The following SLC30A9 variants were observed in gnomAD, a reference collection of about 807,000 sequenced individuals.
The protein encoded by SLC30A9 is proton-coupled zinc antiporter SLC30A9, mitochondrial.
In SLC30A9, 58 loss-of-function variants were observed where a neutral mutation model predicts 87.5. The observed-to-expected ratio is 0.66, with a 90% CI of 0.54 to 0.82. The LOEUF is 0.82. SLC30A9 is among the 40% of genes least tolerant of loss of function. The pLI is 0.00. For missense variants in SLC30A9, 557 were observed against 679.1 expected (o/e 0.82, Z 2.00); for synonymous variants, 234 against 233.0 (o/e 1.00, Z -0.04).
intron 3 of SLC30A9, among the ~76,000 whole-genome samples, chr4:42,019,916 C>T (rs1342125473): frequency 1.3e-5 from 2 of 152,078 alleles, no homozygotes; most frequent in Admixed American, 6.6e-5. Flanking sequence ...GCCTCAGCCT[C>T]CTGAGAAGCT....
chr4:42,023,455 C>G, intron 6 of SLC30A9, 71 bp downstream of exon 6: 1 of 961,878 alleles, frequency 1.0e-6, no homozygotes, highest in Non-Finnish European at 1.7e-6. Context: ...TCTGTAAGAA[C>G]TCTCTAGTGC....
At position 42,079,510 on chromosome 4, in the gene SLC30A9, T is replaced by A. The variant is rs935222499; in HGVS notation, c.1662+1185T>A. On this transcript the variant is annotated intron_variant, in intron 17 of 17. Transcript: ENST00000264451. ...GGTTTCACCATGTTGGCCAGGCTGG[T>A]CTCGAACTCCTGACCTCAAGTGATC... Among the ~76,000 whole-genome samples the A allele has an allele frequency of 2.0e-5, 3 of 152,030 alleles. No homozygotes were observed. In the East Asian group the frequency reaches 5.8e-4, roughly 29 times the overall value.
intron 2 of SLC30A9, among the ~76,000 whole-genome samples, chr4:42,003,831 C>T (rs1302460177): frequency 2.0e-5 from 3 of 152,042 alleles, no homozygotes; most frequent in Non-Finnish European, 4.4e-5. Context: ...AAGTTTTAGA[C>T]TCTGTGTCTG....
At chr4:42,016,036 T>C (rs145405577) in intron 2 of SLC30A9, among the ~76,000 whole-genome samples, 1 of 152,144 alleles carries the variant, frequency 6.6e-6, no homozygotes, top group Non-Finnish European at 1.5e-5. Context: ...CCCAGTTTCC[T>C]CATAACAAGG....
At chr4:42,069,609 G>C (rs1338754039) in intron 14 of SLC30A9, among the ~76,000 whole-genome samples, 3 of 152,144 alleles carry the variant, frequency 2.0e-5, no homozygotes, top group Non-Finnish European at 4.4e-5. Context: ...ATTAAGAAGA[G>C]TTAAATATAT....
intron 1 of SLC30A9, among the ~76,000 whole-genome samples, chr4:41,995,920 G>A (rs1714678878): frequency 6.6e-6 from 1 of 152,128 alleles, no homozygotes; most frequent in Admixed American, 6.6e-5. Flanking sequence ...ATGTTATCCA[G>A]GCTGGTCTCA....
At chr4:42,039,382 C>T (rs1716821048) in intron 8 of SLC30A9, among the ~76,000 whole-genome samples, 1 of 151,898 alleles carries the variant, frequency 6.6e-6, no homozygotes, top group South Asian at 2.1e-4. Flanking sequence ...GTTACAGCTA[C>T]TGAAGAATAT....
At chr4:42,034,106 T>C (rs1320954813) in intron 6 of SLC30A9, among the ~76,000 whole-genome samples, 1 of 28,234 alleles carries the variant, frequency 3.5e-5, no homozygotes, top group Non-Finnish European at 2.2e-4. Flanking sequence ...AACACAGTAA[T>C]AGAAAAATAC....
intron 13 of SLC30A9, 21 bp downstream of exon 13, chr4:42,066,642 G>T: frequency 6.4e-7 from 1 of 1,555,838 alleles, no homozygotes; most frequent in East Asian, 2.3e-5. Flanking sequence ...TAGAAACCAA[G>T]TGTTTGTTTC....
At chr4:42,047,649 A>G (rs557491776) in intron 8 of SLC30A9, among the ~76,000 whole-genome samples, 1 of 152,226 alleles carries the variant, frequency 6.6e-6, no homozygotes, top group South Asian at 2.1e-4. Flanking sequence ...AATTAGTTCA[A>G]CCATTGTGGA....
At chr4:42,066,891 A>G (rs975018072) in intron 13 of SLC30A9, among the ~76,000 whole-genome samples, 194 bp from the exon 14 acceptor site, 1 of 152,224 alleles carries the variant, frequency 6.6e-6, no homozygotes, top group African/African-American at 2.4e-5. Context: ...GACTTTATGT[A>G]TCAGTTATTG....
chr4:42,050,436 A>C (rs1004743047), intron 9 of SLC30A9, among the ~76,000 whole-genome samples: 3 of 152,330 alleles, frequency 2.0e-5, no homozygotes, highest in Non-Finnish European at 4.4e-5. Context: ...AGGAAAGTTG[A>C]AATACAGAAA....
intron 6 of SLC30A9, chr4:42,030,030 C>T (rs1716357090): frequency 1.0e-5 from 9 of 877,066 alleles, no homozygotes; most frequent in Non-Finnish European, 1.6e-5. Flanking sequence ...CACTGAAATT[C>T]GCCTAGTGTA....
chr4:42,068,991 A>T (rs1340627484), intron 14 of SLC30A9, among the ~76,000 whole-genome samples: 1 of 152,226 alleles, frequency 6.6e-6, no homozygotes, highest in Non-Finnish European at 1.5e-5. Flanking sequence ...TGTTTCTTCA[A>T]ATAGTCTGAA....
chr4:42,060,149 T>A (rs746393515), intron 9 of SLC30A9, 42 bp from the exon 10 acceptor site: 2 of 1,483,420 alleles, frequency 1.3e-6, no homozygotes, highest in Admixed American at 1.7e-5. Context: ...ATACTCTCCA[T>A]CTTGCTAATG....
chr4:42,066,248 C>G (rs972149694), intron 12 of SLC30A9, among the ~76,000 whole-genome samples: 1 of 152,142 alleles, frequency 6.6e-6, no homozygotes, highest in Non-Finnish European at 1.5e-5. Context: ...ATAACACAAC[C>G]TGCTTCAAAA....
chr4:42,065,020 A>G (rs1032587811), intron 11 of SLC30A9, among the ~76,000 whole-genome samples: 4 of 152,120 alleles, frequency 2.6e-5, no homozygotes, highest in African/African-American at 7.2e-5. Context: ...GTTTGTAACT[A>G]CTTATCTTTC....
intron 9 of SLC30A9, among the ~76,000 whole-genome samples, chr4:42,058,139 C>A (rs369313212): frequency 5.3e-5 from 8 of 150,956 alleles, no homozygotes; most frequent in African/African-American, 2.0e-4. Context: ...CCTTTAATAG[C>A]ACCCAAATCA....
At chr4:41,999,222 T>C (rs576521519) in intron 1 of SLC30A9, among the ~76,000 whole-genome samples, 1 of 152,308 alleles carries the variant, frequency 6.6e-6, no homozygotes, top group South Asian at 2.1e-4. Context: ...AACGTATTAT[T>C]TTGAGAACTG....
Sources: gnomAD v4.1 joint callset for allele counts (sites outside exome capture counted in the v4.1 genomes callset) on GRCh38, gnomAD v4.1.1 for gene constraint, MANE v1.5 for transcripts, NCBI Gene and HGNC (gene_info 2026-07-23, HGNC 2026-07-21) for gene names.